SGCD: variants seen among roughly 807,000 people sequenced by gnomAD.
SGCD encodes delta-sarcoglycan.
Under a neutral mutation model 36.6 loss-of-function variants are expected in SGCD, and 18 were observed. The observed-to-expected ratio is 0.49, with a 90% CI of 0.34 to 0.73. The LOEUF (loss-of-function observed/expected upper bound fraction) is 0.73. SGCD is among the 30% of genes least tolerant of loss of function. The probability of loss-of-function intolerance (pLI) is 0.01; values close to 1 mark genes in which losing one functional copy is unlikely to be tolerated. For missense variants in SGCD, 387 were observed against 346.7 expected, an observed-to-expected ratio of 1.12 and a Z score of -0.92; for synonymous variants, 133 against 130.6, an observed-to-expected ratio of 1.02 and a Z score of -0.12.
intron 3 of SGCD, among the ~76,000 whole-genome samples, chr5:156,172,701 CT>C (rs1176406677): frequency 1.3e-5 from 2 of 152,100 alleles, no homozygotes; most frequent in Admixed American, 1.3e-4. Flanking sequence ...ATCCACATTT[CT>C]TTTTTTCTGT....
chr5:156,509,842 G>A (rs907803837), intron 4 of SGCD, among the ~76,000 whole-genome samples: 1 of 152,074 alleles, frequency 6.6e-6, no homozygotes, highest in African/African-American at 2.4e-5. Context: ...CATTTATTTA[G>A]TCTTTATTTT....
intron 3 of SGCD, among the ~76,000 whole-genome samples, chr5:156,375,416 T>A (rs1350741982): frequency 3.4e-5 from 5 of 146,116 alleles, no homozygotes; most frequent in Non-Finnish European, 5.9e-5. Context: ...TTTTTTTTTT[T>A]TAAAGAGTAC....
At chr5:156,303,799 C>A (rs1184876235) in intron 3 of SGCD, among the ~76,000 whole-genome samples, 1 of 151,560 alleles carries the variant, frequency 6.6e-6, no homozygotes, top group East Asian at 2.0e-4. Flanking sequence ...CACTTGGTAA[C>A]CTCTTTTAAG....
At chr5:156,336,437 G>A (rs540370903) in intron 2 of SGCD, among the ~76,000 whole-genome samples, 1 of 152,108 alleles carries the variant, frequency 6.6e-6, no homozygotes, top group Non-Finnish European at 1.5e-5. Context: ...CATTATGATA[G>A]GTAACAAAAA....
chr5:156,060,149 C>T lies in SGCD; in HGVS notation c.-281-57729C>T, dbSNP rs564334443. Among the ~76,000 whole-genome samples, 4 of 146,586 alleles carry T rather than the reference C, an allele frequency of 2.7e-5. 1 individual carries two copies. The South Asian group carries it at 6.4e-4, about 24-fold the overall frequency. On this transcript the variant is annotated intron_variant, in intron 1 of 9. Transcript: ENST00000517913. ...TTCAAAGGAGTTTTAGAACCCCAAT[C>T]GTCCAATTGCCTACTTCATTAACAT...
intron 3 of SGCD, among the ~76,000 whole-genome samples, chr5:156,391,693 T>C (rs1193476659): frequency 6.6e-6 from 1 of 152,198 alleles, no homozygotes; most frequent in Non-Finnish European, 1.5e-5. Context: ...TGAGCATCTG[T>C]GGATTTTGGT....
At chr5:156,000,876 C>A (rs767143628) in intron 1 of SGCD, among the ~76,000 whole-genome samples, 2 of 151,892 alleles carry the variant, frequency 1.3e-5, no homozygotes, top group African/African-American at 2.4e-5. Flanking sequence ...TAAGAATTTG[C>A]GTATGTAATA....
At chr5:155,948,995 C>T (rs2113425991) in intron 1 of SGCD, among the ~76,000 whole-genome samples, 1 of 151,940 alleles carries the variant, frequency 6.6e-6, no homozygotes, top group Non-Finnish European at 1.5e-5. Flanking sequence ...TGAGTCTCTG[C>T]AAAAAAAATT....
chr5:156,646,446 C>T (rs1481017854), intron 6 of SGCD, among the ~76,000 whole-genome samples: 1 of 152,138 alleles, frequency 6.6e-6, no homozygotes, highest in Non-Finnish European at 1.5e-5. Flanking sequence ...GGCTATATCC[C>T]ATATAAGACC....
intron 3 of SGCD, among the ~76,000 whole-genome samples, chr5:156,377,928 A>T (rs147594475): frequency 6.6e-6 from 1 of 152,196 alleles, no homozygotes; most frequent in Admixed American, 6.5e-5. Context: ...GGTTTGAAAC[A>T]ACAATCATGC....
At chr5:156,214,545 A>G (rs1446889590) in intron 3 of SGCD, among the ~76,000 whole-genome samples, 1 of 152,050 alleles carries the variant, frequency 6.6e-6, no homozygotes, top group Non-Finnish European at 1.5e-5. Flanking sequence ...TGATATAAAT[A>G]TTTTACAGAT....
At chr5:156,510,769 G>C (rs1756891351) in intron 4 of SGCD, among the ~76,000 whole-genome samples, 1 of 152,072 alleles carries the variant, frequency 6.6e-6, no homozygotes. Flanking sequence ...AGTGGTAAAA[G>C]GTAGATTTTA....
At position 156,052,510 on chromosome 5, in the gene SGCD, C is replaced by A. The variant is rs904002951; in HGVS notation, c.-281-65368C>A. 4.8e-5 allele frequency among the ~76,000 whole-genome samples: 7 copies of A among 145,568 alleles called. 2 individuals are homozygous for A. Among genetic ancestry groups the A allele is most frequent in the Admixed American group, 2.0e-4 (3 of 14,638 alleles). On this transcript the variant is annotated intron_variant, in intron 1 of 9. Transcript: ENST00000517913. ...ATTGTGAGCAGAATAAACTGTTGGG[C>A]CAGGGCTAGTTGGAAGGTTAGAGAA...
At chr5:156,128,260 A>G (rs916128608) in intron 3 of SGCD, among the ~76,000 whole-genome samples, 1 of 152,198 alleles carries the variant, frequency 6.6e-6, no homozygotes, top group Non-Finnish European at 1.5e-5. Flanking sequence ...GATGTGAAGT[A>G]ACCACAGTTC....
At chr5:156,144,906 C>T (rs1276361829) in intron 3 of SGCD, among the ~76,000 whole-genome samples, 1 of 152,172 alleles carries the variant, frequency 6.6e-6, no homozygotes, top group African/African-American at 2.4e-5. Context: ...AGCCTTGTCT[C>T]AGATTAGACT....
At chr5:156,612,646 G>A (rs1010834093) in intron 6 of SGCD, among the ~76,000 whole-genome samples, 2 of 152,246 alleles carry the variant, frequency 1.3e-5, no homozygotes, top group African/African-American at 2.4e-5. Flanking sequence ...CTGTTCCACT[G>A]AGCCTAGGCT....
intron 3 of SGCD, among the ~76,000 whole-genome samples, chr5:156,504,509 A>G (rs1389836246): frequency 1.3e-5 from 2 of 151,714 alleles, no homozygotes; most frequent in African/African-American, 2.4e-5. Flanking sequence ...TCAATAATGC[A>G]TCATGAATAT....
intron 6 of SGCD, among the ~76,000 whole-genome samples, chr5:156,626,497 A>G (rs1459415863): frequency 6.6e-6 from 1 of 152,214 alleles, no homozygotes; most frequent in African/African-American, 2.4e-5. Flanking sequence ...TGGGGAAGAC[A>G]GAAGTGATGT....
chr5:156,001,432 A>T (rs1459829833), intron 1 of SGCD, among the ~76,000 whole-genome samples: 8 of 152,298 alleles, frequency 5.3e-5, no homozygotes, highest in African/African-American at 1.9e-4. Context: ...AGTGTTTTAT[A>T]TTTCACTGAT....
Sources: allele counts gnomAD v4.1 joint callset (sites outside exome capture counted in the v4.1 genomes callset), GRCh38; gene constraint gnomAD v4.1.1; transcripts MANE v1.5; gene names NCBI Gene and HGNC (gene_info 2026-07-23, HGNC 2026-07-21).